RBFOX1: variants seen among roughly 807,000 people sequenced by gnomAD.
RBFOX1 encodes the protein RNA binding protein fox-1 homolog 1.
RBFOX1 carries 8 observed loss-of-function variants against 57.7 expected under a neutral mutation model. That is an observed-to-expected ratio of 0.14 (90% confidence interval 0.08 to 0.25). The LOEUF (loss-of-function observed/expected upper bound fraction) is 0.25. Among genes scored for constraint, RBFOX1 ranks in the 10% least tolerant of loss-of-function variants. The probability of loss-of-function intolerance (pLI) is 1.00; values close to 1 mark genes in which losing one functional copy is unlikely to be tolerated. For missense variants in RBFOX1, 611 were observed against 548.5 expected (o/e 1.11, Z -1.14); for synonymous variants, 326 against 222.4 (o/e 1.47, Z -4.15).
At chr16:5,870,373 C>CA (rs59398844) in intron 4 of RBFOX1, among the ~76,000 whole-genome samples, 8,303 of 90,770 alleles carry the variant, frequency 0.091, 353 homozygotes, top group Middle Eastern at 0.17. Context: ...ATTTGTATGG[C>CA]AAAAAAAAAA....
intron 4 of RBFOX1, among the ~76,000 whole-genome samples, chr16:7,129,733 T>C (rs1049429093): frequency 6.6e-6 from 1 of 151,782 alleles, no homozygotes; most frequent in East Asian, 2.0e-4. Context: ...TTGTGTGTGC[T>C]ATTTTTAAAG....
chr16:7,149,548 C>G (rs1276123521), intron 4 of RBFOX1, among the ~76,000 whole-genome samples: 1 of 143,638 alleles, frequency 7.0e-6, no homozygotes, highest in East Asian at 2.1e-4. Flanking sequence ...TACAGTGGTG[C>G]AATCTCAGCT....
At chr16:7,075,101 T>C (rs111863437) in intron 4 of RBFOX1, among the ~76,000 whole-genome samples, 52 of 152,346 alleles carry the variant, frequency 3.4e-4, no homozygotes, top group African/African-American at 1.2e-3. Flanking sequence ...TTCTGTGTTA[T>C]TTGAAATGTG....
intron 7 of RBFOX1, among the ~76,000 whole-genome samples, chr16:7,594,284 T>G (rs2094582352): frequency 6.6e-6 from 1 of 152,152 alleles, no homozygotes; most frequent in Non-Finnish European, 1.5e-5. Context: ...TTATTGTGCA[T>G]TTCTTTAGTA....
At position 7,417,446 on chromosome 16, in the gene RBFOX1, C is replaced by G. The variant is rs190104248; in HGVS notation, c.28-100701C>G. Among the ~76,000 whole-genome samples the G allele has an allele frequency of 7.4e-4, 111 of 151,020 alleles. 1 individual carries two copies. Among genetic ancestry groups the G allele is most frequent in the Admixed American group, 6.5e-3 (98 of 15,152 alleles). On this transcript the variant is annotated intron_variant, in intron 4 of 15. Coordinates refer to ENST00000550418, the MANE Select transcript of RBFOX1 (RefSeq NM_018723.4). ...TCCCCAGTGGTAACATCTTATATAACCAAAGTACACCACCACCACCAGGAA... is the reference window on the plus strand; with the variant it reads ...TCCCCAGTGGTAACATCTTATATAAGCAAAGTACACCACCACCACCAGGAA...
At chr16:5,531,386 C>G (rs1483741523) in intron 2 of RBFOX1, among the ~76,000 whole-genome samples, 1 of 152,142 alleles carries the variant, frequency 6.6e-6, no homozygotes, top group Non-Finnish European at 1.5e-5. Flanking sequence ...TGTTACCGAT[C>G]TTTAAAGTTT....
intron 4 of RBFOX1, among the ~76,000 whole-genome samples, chr16:7,457,766 G>C (rs2058806561): frequency 6.6e-6 from 1 of 152,002 alleles, no homozygotes; most frequent in Non-Finnish European, 1.5e-5. Context: ...GTGCAGTCTG[G>C]AAGGTTCTTC....
chr16:5,768,819 G>A (rs1343717486), intron 3 of RBFOX1, among the ~76,000 whole-genome samples: 2 of 152,008 alleles, frequency 1.3e-5, no homozygotes, highest in East Asian at 3.9e-4. Context: ...ACGGAACATG[G>A]GTATGAGATG....
At chr16:7,132,230 C>G (rs1029123175) in intron 4 of RBFOX1, among the ~76,000 whole-genome samples, 12 of 152,046 alleles carry the variant, frequency 7.9e-5, no homozygotes, top group African/African-American at 2.7e-4. Context: ...ATCTGCCTGT[C>G]TCGGCCTCCC....
chr16:7,186,675 A>G (rs537282614), intron 4 of RBFOX1, among the ~76,000 whole-genome samples: 10 of 148,220 alleles, frequency 6.7e-5, no homozygotes, highest in Non-Finnish European at 1.2e-4. Flanking sequence ...ATTTATATAC[A>G]TACTTACGTC....
intron 4 of RBFOX1, among the ~76,000 whole-genome samples, chr16:7,112,378 A>T (rs866443927): frequency 0.016 from 2,269 of 139,334 alleles, 72 homozygotes; most frequent in African/African-American, 0.056. Flanking sequence ...AATTTTTTGT[A>T]TTTTTTTTTT....
At chr16:7,627,447 A>G (rs2060255959) in intron 10 of RBFOX1, among the ~76,000 whole-genome samples, 1 of 152,220 alleles carries the variant, frequency 6.6e-6, no homozygotes, top group African/African-American at 2.4e-5. Flanking sequence ...GAATTTGATA[A>G]AAGCACAGAA....
chr16:6,429,709 T>C (rs2094023863), intron 2 of RBFOX1, among the ~76,000 whole-genome samples: 1 of 152,172 alleles, frequency 6.6e-6, no homozygotes, highest in East Asian at 1.9e-4. Flanking sequence ...TCTGATGGTT[T>C]TATAAATGGG....
At chr16:5,704,258 T>C (rs1043106640) in intron 3 of RBFOX1, among the ~76,000 whole-genome samples, 1 of 152,170 alleles carries the variant, frequency 6.6e-6, no homozygotes, top group South Asian at 2.1e-4. Flanking sequence ...ATAAAAGTTA[T>C]GCAAAGAGAA....
chr16:5,555,615 G>A (rs549594719), intron 2 of RBFOX1, among the ~76,000 whole-genome samples: 2 of 152,254 alleles, frequency 1.3e-5, no homozygotes, highest in South Asian at 2.1e-4. Context: ...TGGAGAGACC[G>A]TGAAAGTTAC....
intron 1 of RBFOX1, among the ~76,000 whole-genome samples, chr16:5,456,122 A>G (rs565593365): frequency 1.3e-5 from 2 of 152,180 alleles, no homozygotes; most frequent in African/African-American, 4.8e-5. Context: ...TTAAAAAAAA[A>G]ACGTGCTTAA....
At chr16:5,836,043 A>G (rs905429418) in intron 3 of RBFOX1, among the ~76,000 whole-genome samples, 4 of 152,228 alleles carry the variant, frequency 2.6e-5, no homozygotes, top group Non-Finnish European at 5.9e-5. Context: ...AGTCCCTGCC[A>G]GAAGTTAGAG....
chr16:6,497,166 C>G (rs567067439), intron 2 of RBFOX1, among the ~76,000 whole-genome samples: 2 of 152,130 alleles, frequency 1.3e-5, no homozygotes, highest in East Asian at 1.9e-4. Context: ...GGACTGGGAA[C>G]TTGGCAACAG....
intron 3 of RBFOX1, among the ~76,000 whole-genome samples, chr16:6,867,803 T>C (rs1385218707): frequency 6.6e-6 from 1 of 152,214 alleles, no homozygotes; most frequent in Non-Finnish European, 1.5e-5. Context: ...GAACAAGTCC[T>C]GTTTATCCCT....
Sources: gnomAD v4.1 joint callset for allele counts (sites outside exome capture counted in the v4.1 genomes callset) on GRCh38, gnomAD v4.1.1 for gene constraint, MANE v1.5 for transcripts, NCBI Gene and HGNC (gene_info 2026-07-23, HGNC 2026-07-21) for gene names.